Variants in FOXP1 observed in about 807,000 individuals in gnomAD.
FOXP1 encodes forkhead box P1, also known as forkhead box protein P1.
A neutral mutation model predicts 98.2 loss-of-function variants in FOXP1; 15 were observed. That is an observed-to-expected ratio of 0.15 (90% CI 0.10 to 0.24). The LOEUF is 0.24. FOXP1 is among the 10% of genes least tolerant of loss of function. The pLI is 1.00. For synonymous variants in FOXP1, 371 were observed against 314.5 expected, an observed-to-expected ratio of 1.18 and a Z score of -1.90; for missense variants, 633 against 848.5, an observed-to-expected ratio of 0.75 and a Z score of 3.15.
intron 7 of FOXP1, among the ~76,000 whole-genome samples, chr3:71,112,316 A>T (rs188717422): frequency 6.6e-6 from 1 of 152,174 alleles, no homozygotes; most frequent in African/African-American, 2.4e-5. Context: ...TTATCCTTCT[A>T]TTATATTCAC....
intron 3 of FOXP1, among the ~76,000 whole-genome samples, chr3:71,424,262 C>T (rs894183253): frequency 1.3e-5 from 2 of 152,184 alleles, no homozygotes; most frequent in South Asian, 2.1e-4. Flanking sequence ...CCTCTGCAGT[C>T]AAACAGGGAA....
At chr3:71,288,975 T>A (rs1329271628) in intron 5 of FOXP1, among the ~76,000 whole-genome samples, 1 of 152,182 alleles carries the variant, frequency 6.6e-6, no homozygotes, top group Non-Finnish European at 1.5e-5. Context: ...GTCATCATCT[T>A]TTTTGACCAC....
At chr3:71,410,440 T>C (rs918490699) in intron 3 of FOXP1, among the ~76,000 whole-genome samples, 3 of 152,256 alleles carry the variant, frequency 2.0e-5, no homozygotes, top group Non-Finnish European at 2.9e-5. Context: ...CAAGAAATTA[T>C]GGTATGCTTC....
chr3:71,046,414 GA>G (rs201820861), intron 10 of FOXP1, among the ~76,000 whole-genome samples: 37 of 149,886 alleles, frequency 2.5e-4, no homozygotes, highest in African/African-American at 8.1e-4. Context: ...AATGCAAAAA[GA>G]AAAAAAAAGG....
intron 2 of FOXP1, among the ~76,000 whole-genome samples, chr3:71,525,837 C>T (rs908957176): frequency 4.0e-5 from 6 of 151,794 alleles, no homozygotes; most frequent in African/African-American, 1.2e-4. Flanking sequence ...GAGTACTGGC[C>T]GGGTGCAGTG....
chr3:71,430,440 T>C (rs2084602654), intron 3 of FOXP1, among the ~76,000 whole-genome samples: 1 of 151,698 alleles, frequency 6.6e-6, no homozygotes, highest in Admixed American at 6.6e-5. Flanking sequence ...ATGGATTCAG[T>C]AACAGATTTG....
chr3:71,422,386 G>C (rs2083727709), intron 3 of FOXP1, among the ~76,000 whole-genome samples: 1 of 152,336 alleles, frequency 6.6e-6, no homozygotes, highest in South Asian at 2.1e-4. Flanking sequence ...GCAAAAGACT[G>C]ATTCAGTCGG....
intron 7 of FOXP1, among the ~76,000 whole-genome samples, chr3:71,073,859 C>G (rs1488737619): frequency 6.6e-6 from 1 of 152,160 alleles, no homozygotes; most frequent in East Asian, 1.9e-4. Flanking sequence ...AGGGCTCAGT[C>G]TCTTGCATTA....
chr3:71,025,366 C>A (rs2045972087), intron 11 of FOXP1, among the ~76,000 whole-genome samples: 1 of 152,000 alleles, frequency 6.6e-6, no homozygotes, highest in African/African-American at 2.4e-5. Context: ...TGGAGTAAGC[C>A]CCCAGAGCTG....
At chr3:71,197,667 G>A (rs918609014) in intron 6 of FOXP1, among the ~76,000 whole-genome samples, 21 of 152,214 alleles carry the variant, frequency 1.4e-4, no homozygotes, top group South Asian at 1.0e-3. Flanking sequence ...AATCCTACTC[G>A]TAGAGGGAAG....
At chr3:71,290,743 A>C (rs1206231254) in intron 5 of FOXP1, among the ~76,000 whole-genome samples, 2 of 152,166 alleles carry the variant, frequency 1.3e-5, no homozygotes, top group Non-Finnish European at 2.9e-5. Flanking sequence ...AGTGCTCCGA[A>C]ATCCAAAACT....
intron 4 of FOXP1, among the ~76,000 whole-genome samples, chr3:71,313,355 G>A (rs1160020130): frequency 6.6e-6 from 1 of 151,758 alleles, no homozygotes; most frequent in African/African-American, 2.4e-5. Flanking sequence ...CACTGCGCCC[G>A]GCCAAGCTAA....
intron 13 of FOXP1, among the ~76,000 whole-genome samples, chr3:70,992,643 C>G (rs1012629801): frequency 2.0e-5 from 3 of 152,156 alleles, no homozygotes; most frequent in African/African-American, 4.8e-5. Context: ...AATTTCCCTA[C>G]TTTTATTGTA....
At chr3:71,365,403 G>C (rs2078847292) in intron 3 of FOXP1, among the ~76,000 whole-genome samples, 1 of 137,660 alleles carries the variant, frequency 7.3e-6, no homozygotes, top group Non-Finnish European at 1.5e-5. Flanking sequence ...CAGCTTACTA[G>C]AATCCCATGC....
intron 2 of FOXP1, among the ~76,000 whole-genome samples, chr3:71,509,553 T>TG (rs1187505783): frequency 2.6e-5 from 4 of 152,008 alleles, no homozygotes; most frequent in East Asian, 1.9e-4. Flanking sequence ...GTATACATCA[T>TG]GGGGGGAGGA....
chr3:71,142,707 G>A (rs547221954), intron 6 of FOXP1, among the ~76,000 whole-genome samples: 7 of 152,164 alleles, frequency 4.6e-5, no homozygotes, highest in Non-Finnish European at 1.0e-4. Flanking sequence ...GCCTCTTGAC[G>A]AGGAATCAGT....
intron 2 of FOXP1, among the ~76,000 whole-genome samples, chr3:71,510,231 G>A (rs770406023): frequency 1.3e-5 from 2 of 151,948 alleles, no homozygotes; most frequent in Non-Finnish European, 2.9e-5. Context: ...GCTCATTCCT[G>A]TAATCCCAGC....
intron 3 of FOXP1, among the ~76,000 whole-genome samples, chr3:71,479,759 G>T (rs1036167430): frequency 2.6e-5 from 4 of 151,384 alleles, no homozygotes; most frequent in African/African-American, 7.3e-5. Flanking sequence ...TTCTTGGGTA[G>T]ACAGAACAGA....
Position 71,272,319 on chromosome 3 carries a change from G to A in FOXP1, c.-12+27501C>T, listed in dbSNP as rs2070442679. Among the ~76,000 whole-genome samples the A allele has an allele frequency of 8.5e-5, 13 of 152,308 alleles. No individual in the cohort carries two copies. The South Asian group carries it at 2.7e-3, about 32-fold the overall frequency. ...TAATATGCACAATTTTCTCTCAGCAGTGTCCTCGGCATCCCGGGTGGGTCA... is the reference window on the plus strand; with the variant it reads ...TAATATGCACAATTTTCTCTCAGCAATGTCCTCGGCATCCCGGGTGGGTCA... On this transcript the variant is annotated intron_variant, in intron 5 of 20. Transcript: ENST00000649528.
Sources: allele counts gnomAD v4.1 joint callset (sites outside exome capture counted in the v4.1 genomes callset), GRCh38; gene constraint gnomAD v4.1.1; transcripts MANE v1.5; gene names NCBI Gene and HGNC (gene_info 2026-07-23, HGNC 2026-07-21).